Variants in PAFAH1B2 observed in about 807,000 individuals in gnomAD.
PAFAH1B2 encodes the protein platelet activating factor acetylhydrolase 1b catalytic subunit 2.
In PAFAH1B2, 8 loss-of-function variants were observed where a neutral mutation model predicts 28.0. The ratio of observed to expected loss-of-function variants is 0.29; its 90% CI spans 0.17 to 0.52. PAFAH1B2 has a LOEUF of 0.52. PAFAH1B2 is among the 20% of genes least tolerant of loss of function. The probability of loss-of-function intolerance (pLI) is 0.97; values close to 1 mark genes in which losing one functional copy is unlikely to be tolerated. For missense variants in PAFAH1B2, 190 were observed against 282.6 expected, an observed-to-expected ratio of 0.67 and a Z score of 2.35; for synonymous variants, 104 against 103.2, an observed-to-expected ratio of 1.01 and a Z score of -0.05.
rs566634854 is a variant in PAFAH1B2, at chr11:117,144,561, G to A, written c.-8+143G>A. On this transcript the variant is annotated intron_variant, in intron 1 of 5. Coordinates refer to ENST00000527958, the MANE Select transcript of PAFAH1B2 (RefSeq NM_002572.4). ...CCCCACGCCGCCCCATCCACTTGGG[G>A]GGGGCCTCGCGAGCGCGCGCCTTCT... 5.4e-4 allele frequency: 96 copies of A among 176,548 alleles called. 1 individual carries two copies. The highest frequency in any genetic ancestry group is 4.3e-3 in the South Asian group (30 of 6,902). The allele number at this position is 176,548 out of a possible 1,614,324, so 10.9% of individuals were successfully genotyped here.
intron 1 of PAFAH1B2, among the ~76,000 whole-genome samples, chr11:117,151,233 CTTTTTTTT>C (rs11449159): frequency 2.2e-5 from 3 of 133,970 alleles, no homozygotes; most frequent in African/African-American, 8.4e-5. Flanking sequence ...TTTTCTTTTT[CTTTTTTTT>C]TTTTTTGAGA....
intron 4 of PAFAH1B2, among the ~76,000 whole-genome samples, chr11:117,162,801 C>T (rs1039662404): frequency 1.3e-5 from 2 of 151,766 alleles, no homozygotes; most frequent in Non-Finnish European, 1.5e-5. Flanking sequence ...CCAGCCTCCA[C>T]CTCTGTGACT....
At chr11:117,171,137 ATACT>A, downstream of PAFAH1B2, 2 of 843,488 alleles carry the variant, frequency 2.4e-6, no homozygotes, top group Non-Finnish European at 2.9e-6. Flanking sequence ...AGGAAATTGG[ATACT>A]TAGATGATCC....
At chr11:117,156,851 C>CA (rs1038659775) in intron 2 of PAFAH1B2, among the ~76,000 whole-genome samples, 1 of 151,752 alleles carries the variant, frequency 6.6e-6, no homozygotes, top group African/African-American at 2.4e-5. Flanking sequence ...CCCATCTTTA[C>CA]AAAAAATGCC....
Position 117,168,572 on chromosome 11 carries a change from A to G in PAFAH1B2, c.*873A>G, listed in dbSNP as rs1278429123. ...CAGTTACTCTCATGATAGTACTGCT[A>G]TAAAACTCATTCTTGTGTGGTGTTC... On this transcript the variant is annotated 3_prime_UTR_variant, in exon 6 of 6. Transcript: ENST00000527958. The G allele has an allele frequency of 1.9e-5, 20 of 1,059,498 alleles. No homozygotes were observed. Among genetic ancestry groups the G allele is most frequent in the South Asian group, 4.6e-5 (1 of 21,870 alleles). The allele number at this position is 1,059,498 out of a possible 1,614,324, so 65.6% of individuals were successfully genotyped here. A position where few individuals can be genotyped will look rare whatever the true frequency, so the allele number is the denominator to read the frequency against.
chr11:117,148,966 C>T (rs918015477), intron 1 of PAFAH1B2, among the ~76,000 whole-genome samples: 6 of 151,666 alleles, frequency 4.0e-5, no homozygotes, highest in African/African-American at 1.5e-4. Context: ...CTCCTGGGCT[C>T]GAGCGATTCT....
chr11:117,171,678 G>A (rs969074633), downstream of PAFAH1B2: 4 of 1,533,810 alleles, frequency 2.6e-6, no homozygotes, highest in African/African-American at 4.1e-5. Context: ...TAGAACAAGG[G>A]TCGGTTAACT....
In PAFAH1B2 at chr11:117,159,591, C is replaced by T. The variant is rs1485927111; in HGVS notation, c.82-343C>T. The T allele has an allele frequency of 1.5e-5, 3 of 199,070 alleles. No individual in the cohort carries two copies. The East Asian group carries it at 3.3e-4, about 22-fold the overall frequency. The allele number at this position is 199,070 out of a possible 1,614,324, so 12.3% of individuals were successfully genotyped here. ...CTACAAAAAAATAGAAAAAATTAGC[C>T]AGGCATGGTGGCATGAGCCTATAAT... On this transcript the variant is annotated intron_variant, in intron 2 of 5. Coordinates refer to ENST00000527958, the MANE Select transcript of PAFAH1B2 (RefSeq NM_002572.4).
rs572486077 is a variant in PAFAH1B2, at chr11:117,170,053, C to G, written c.*2354C>G. On this transcript the variant is annotated 3_prime_UTR_variant, in exon 6 of 6. Coordinates refer to ENST00000527958, the MANE Select transcript of PAFAH1B2 (RefSeq NM_002572.4). ...AACCACTAGCCTTTTAAATAAAATT[C>G]TGCCCCATTACTGATGTGCAGATAT... 1.0e-5 allele frequency: 11 copies of G among 1,055,922 alleles called. No homozygotes were observed. In the South Asian group the frequency reaches 4.6e-4, roughly 44 times the overall value. The allele number at this position is 1,055,922 out of a possible 1,614,324, so 65.4% of individuals were successfully genotyped here. A position where few individuals can be genotyped will look rare whatever the true frequency, so the allele number is the denominator to read the frequency against.
At chr11:117,152,919 A>G (rs1057094016) in intron 2 of PAFAH1B2, among the ~76,000 whole-genome samples, 1 of 152,176 alleles carries the variant, frequency 6.6e-6, no homozygotes, top group Non-Finnish European at 1.5e-5. Flanking sequence ...AAAATAAGTT[A>G]GCCGGTTGTG....
chr11:117,177,745 T>A (rs1415977732), downstream of PAFAH1B2, among the ~76,000 whole-genome samples: 1 of 152,178 alleles, frequency 6.6e-6, no homozygotes, highest in East Asian at 1.9e-4. Flanking sequence ...ATGTTGGCCA[T>A]GGCTGGTCTC....
chr11:117,175,617 A>G (rs1187656567), downstream of PAFAH1B2: 1 of 1,221,592 alleles, frequency 8.2e-7, no homozygotes, highest in Non-Finnish European at 1.0e-6. Context: ...GTTTGGTTCC[A>G]GAGCAGTGGT....
intron 1 of PAFAH1B2, among the ~76,000 whole-genome samples, chr11:117,147,134 TG>T (rs1006597931): frequency 6.6e-6 from 1 of 152,022 alleles, no homozygotes; most frequent in African/African-American, 2.4e-5. Flanking sequence ...CTGGGCATGG[TG>T]GCAGGCACCT....
chr11:117,176,083 C>T (rs1289169826), exon 6 of PAFAH1B2: 1 of 703,938 alleles, frequency 1.4e-6, no homozygotes, highest in African/African-American at 1.8e-5. Flanking sequence ...GTGCTGGAAA[C>T]AGTACTGGAC....
chr11:117,171,857 A>G, downstream of PAFAH1B2: 1 of 897,032 alleles, frequency 1.1e-6, no homozygotes, highest in Non-Finnish European at 1.6e-6. Flanking sequence ...GATTAAAATG[A>G]TTTGCTGCTT....
At chr11:117,173,003 C>G (rs996615897), downstream of PAFAH1B2, among the ~76,000 whole-genome samples, 7 of 152,178 alleles carry the variant, frequency 4.6e-5, no homozygotes, top group Non-Finnish European at 1.0e-4. Flanking sequence ...GCGGACCCAG[C>G]CGCCTGTCTT....
chr11:117,161,532 G>A (rs1369676443), intron 4 of PAFAH1B2, among the ~76,000 whole-genome samples: 1 of 134,202 alleles, frequency 7.5e-6, no homozygotes, highest in Non-Finnish European at 1.6e-5. Context: ...TTTTTGAGAT[G>A]GAGTCTTGCT....
At chr11:117,174,908 C>T (rs1956747369), downstream of PAFAH1B2, 1 of 1,527,236 alleles carries the variant, frequency 6.5e-7, no homozygotes. Context: ...AGTCACCGCA[C>T]CAGGCCATCT....
intron 1 of PAFAH1B2, among the ~76,000 whole-genome samples, chr11:117,145,661 C>T (rs1955986947): frequency 6.6e-6 from 1 of 152,154 alleles, no homozygotes; most frequent in Non-Finnish European, 1.5e-5. Context: ...CCCACCAGCC[C>T]ACGGAGGCTA....
Sources: gnomAD v4.1 joint callset for allele counts (sites outside exome capture counted in the v4.1 genomes callset) on GRCh38, gnomAD v4.1.1 for gene constraint, MANE v1.5 for transcripts, NCBI Gene and HGNC (gene_info 2026-07-23, HGNC 2026-07-21) for gene names.